NYAP2: variants seen among roughly 807,000 people sequenced by gnomAD.
NYAP2 encodes neuronal tyrosine-phosphorylated phosphoinositide-3-kinase adapter 2.
NYAP2 carries 23 observed loss-of-function variants against 50.4 expected under a neutral mutation model. That is an observed-to-expected ratio of 0.46 (90% confidence interval 0.33 to 0.65). NYAP2 has a LOEUF of 0.65. Ranked by LOEUF, NYAP2 falls within the 30% of genes least tolerant of loss-of-function variation. The pLI is 0.02. For synonymous variants in NYAP2, 394 were observed against 365.2 expected (o/e 1.08, Z -0.90); for missense variants, 885 against 861.0 (o/e 1.03, Z -0.35).
At chr2:225,451,436 A>G (rs1689648933) in intron 3 of NYAP2, among the ~76,000 whole-genome samples, 1 of 152,226 alleles carries the variant, frequency 6.6e-6, no homozygotes, top group African/African-American at 2.4e-5. Flanking sequence ...TAAAAAAACA[A>G]AGTGTTCTTA....
chr2:225,449,908 C>T (rs1422215506), intron 3 of NYAP2, among the ~76,000 whole-genome samples: 1 of 152,100 alleles, frequency 6.6e-6, no homozygotes, highest in Non-Finnish European at 1.5e-5. Flanking sequence ...TGAGCCACCA[C>T]ACCCGGCCGA....
the NYAP2 span, among the ~76,000 whole-genome samples, chr2:225,666,193 A>G: frequency 2.6e-5 from 4 of 152,124 alleles, no homozygotes; most frequent in Admixed American, 6.5e-5. Flanking sequence ...TGTTCACCCC[A>G]TATGTCCCAT....
chr2:225,509,765 G>C (rs1345583467), intron 3 of NYAP2, among the ~76,000 whole-genome samples: 1 of 152,184 alleles, frequency 6.6e-6, no homozygotes, highest in African/African-American at 2.4e-5. Context: ...ATGGTTCATT[G>C]TTGTCTCGTC....
intron 3 of NYAP2, among the ~76,000 whole-genome samples, chr2:225,498,037 C>G (rs1227667912): frequency 6.6e-6 from 1 of 152,094 alleles, no homozygotes; most frequent in Non-Finnish European, 1.5e-5. Flanking sequence ...TTCTGTAACT[C>G]TTTAATATAT....
chr2:225,664,919 G>A, the NYAP2 span, among the ~76,000 whole-genome samples: 2 of 152,038 alleles, frequency 1.3e-5, no homozygotes, highest in East Asian at 1.9e-4. Flanking sequence ...ATGAATATTA[G>A]GAGAAACTAT....
intron 3 of NYAP2, among the ~76,000 whole-genome samples, chr2:225,446,601 T>C (rs982310112): frequency 4.6e-5 from 7 of 152,090 alleles, no homozygotes; most frequent in African/African-American, 1.7e-4. Context: ...CAGGCTAGAA[T>C]TGCAAGACCC....
intron 6 of NYAP2, among the ~76,000 whole-genome samples, chr2:225,629,993 G>T (rs891185101): frequency 6.6e-6 from 1 of 152,144 alleles, no homozygotes; most frequent in African/African-American, 2.4e-5. Context: ...TAATAATCGG[G>T]AACTTTTGGT....
chr2:225,534,330 A>G (rs1199245377), intron 4 of NYAP2, among the ~76,000 whole-genome samples: 1 of 152,234 alleles, frequency 6.6e-6, no homozygotes, highest in Admixed American at 6.5e-5. Flanking sequence ...GGGCCAATGT[A>G]GGCATTCTTC....
intron 3 of NYAP2, among the ~76,000 whole-genome samples, chr2:225,427,487 A>G (rs940374366): frequency 6.6e-6 from 1 of 152,296 alleles, no homozygotes; most frequent in East Asian, 1.9e-4. Flanking sequence ...CCAGCCGTAG[A>G]GAATGTGTAG....
At chr2:225,592,704 T>C (rs1692529773) in intron 5 of NYAP2, among the ~76,000 whole-genome samples, 1 of 152,186 alleles carries the variant, frequency 6.6e-6, no homozygotes, top group Non-Finnish European at 1.5e-5. Flanking sequence ...CAATATAGAA[T>C]CACTGAAGAA....
At chr2:225,584,098 C>T (rs907971455) in intron 5 of NYAP2, among the ~76,000 whole-genome samples, 4 of 152,072 alleles carry the variant, frequency 2.6e-5, no homozygotes, top group African/African-American at 9.7e-5. Flanking sequence ...ATTAGAAAAC[C>T]TGTGTTGGAA....
At chr2:225,620,409 GCACACATGCACGCACA>G in intron 5 of NYAP2, among the ~76,000 whole-genome samples, 1 of 140,106 alleles carries the variant, frequency 7.1e-6, no homozygotes, top group Non-Finnish European at 1.6e-5. Flanking sequence ...ACACGCGCAC[GCACACATGCACGCACA>G]CGCACGCACA....
intron 6 of NYAP2, among the ~76,000 whole-genome samples, chr2:225,633,994 C>G (rs1693367085): frequency 6.6e-6 from 1 of 152,098 alleles, no homozygotes; most frequent in South Asian, 2.1e-4. Flanking sequence ...GCAGTAGGTC[C>G]CAGTAGATAC....
intron 3 of NYAP2, among the ~76,000 whole-genome samples, chr2:225,439,278 A>G (rs1177956051): frequency 1.3e-5 from 2 of 152,204 alleles, no homozygotes; most frequent in Non-Finnish European, 1.5e-5. Context: ...CCAAATAAAG[A>G]AGGGGATTAA....
chr2:225,431,034 A>G (rs756515000), intron 3 of NYAP2, among the ~76,000 whole-genome samples: 4 of 152,244 alleles, frequency 2.6e-5, no homozygotes, highest in African/African-American at 9.6e-5. Flanking sequence ...GCTTGTTCAC[A>G]TATTCTCCAA....
chr2:225,677,918 GCTGA>G, the NYAP2 span, among the ~76,000 whole-genome samples: 1 of 152,058 alleles, frequency 6.6e-6, no homozygotes, highest in Admixed American at 6.6e-5. Context: ...TCAGGATGAG[GCTGA>G]CTTTTTAGAA....
At chr2:225,678,873 C>T in the NYAP2 span, among the ~76,000 whole-genome samples, 2 of 152,066 alleles carry the variant, frequency 1.3e-5, no homozygotes, top group Non-Finnish European at 2.9e-5. Flanking sequence ...ATTATTTAAC[C>T]TTTCTGACTC....
intron 6 of NYAP2, among the ~76,000 whole-genome samples, chr2:225,641,933 A>G (rs2106266450): frequency 6.6e-6 from 1 of 152,318 alleles, no homozygotes; most frequent in Non-Finnish European, 1.5e-5. Context: ...AAACATAAAA[A>G]TCATCTTTTA....
Position 225,582,546 on chromosome 2 carries a change from G to T in NYAP2, c.1129G>T (p.Gly377Trp), listed in dbSNP as rs538675320. 2 of 1,574,892 alleles carry T rather than the reference G, an allele frequency of 1.3e-6. No homozygotes were observed. Among genetic ancestry groups the T allele is most frequent in the Non-Finnish European group, 1.7e-6 (2 of 1,160,330 alleles). ...CGTGTCTTACATGAAACAGCCAGCC[G>T]GGGCGTCGCCCTCCACGCTGCCGTC... The change falls in exon 5 of 7, where the codon GGG (glycine) becomes TGG (tryptophan). Residue 377 changes from glycine (G) to tryptophan (W), a missense_variant. By Grantham distance (184) the Gly-to-Trp change is radical. Coordinates refer to ENST00000636099, the Ensembl canonical transcript of NYAP2. This position sits in a 1 kb window ranked among gnomAD's most constrained non-coding sequence, Gnocchi z 7.0.
Sources: allele counts gnomAD v4.1 joint callset (sites outside exome capture counted in the v4.1 genomes callset), GRCh38; gene constraint gnomAD v4.1.1; non-coding constraint Gnocchi (gnomAD v3.1); transcripts MANE v1.5; gene names NCBI Gene and HGNC (gene_info 2026-07-23, HGNC 2026-07-21).